SLC17A1: variants seen among roughly 807,000 people sequenced by gnomAD.
SLC17A1 encodes the protein sodium-dependent phosphate transport protein 1.
Under a neutral mutation model 53.5 loss-of-function variants are expected in SLC17A1, and 51 were observed. The observed-to-expected ratio is 0.95, with a 90% CI of 0.76 to 1.20. SLC17A1 has a LOEUF of 1.20. Ranked by LOEUF, SLC17A1 falls within the 50% of genes most tolerant of loss-of-function variation. The pLI is 0.00. For synonymous variants in SLC17A1, 179 were observed against 198.8 expected (o/e 0.90, Z 0.84); for missense variants, 538 against 568.2 (o/e 0.95, Z 0.54).
the SLC17A1 span, among the ~76,000 whole-genome samples, chr6:25,750,019 A>T: frequency 1.3e-5 from 2 of 152,238 alleles, no homozygotes; most frequent in African/African-American, 4.8e-5. Context: ...TTAAGGCTTC[A>T]TCTCTTACCA....
chr6:25,782,459 C>A (rs563371446), downstream of SLC17A1, among the ~76,000 whole-genome samples: 6 of 152,094 alleles, frequency 3.9e-5, no homozygotes, highest in Non-Finnish European at 8.8e-5. Context: ...GCTATTGAAT[C>A]GCAGTATGAA....
chr6:25,770,228 C>T, the SLC17A1 span: 8 of 1,614,018 alleles, frequency 5.0e-6, no homozygotes, highest in African/African-American at 8.0e-5. Context: ...TCCTGACCCT[C>T]TTCATTCCAC....
chr6:25,802,330 C>A (rs1763804556), intron 10 of SLC17A1, among the ~76,000 whole-genome samples: 1 of 152,060 alleles, frequency 6.6e-6, no homozygotes, highest in African/African-American at 2.4e-5. Flanking sequence ...ATTATTAGTG[C>A]ATTTTAATTT....
At chr6:25,750,783 T>C in the SLC17A1 span, among the ~76,000 whole-genome samples, 7 of 151,126 alleles carry the variant, frequency 4.6e-5, no homozygotes, top group East Asian at 1.4e-3. Context: ...CACTTGTGTG[T>C]GTGGGGGGAG....
rs1763303832 is a variant in SLC17A1, at chr6:25,783,167, C to G, written c.*54G>C. 1 of 152,188 alleles carries G rather than the reference C, an allele frequency of 6.6e-6. No homozygotes were observed. The highest frequency in any genetic ancestry group is 6.5e-5 in the Admixed American group (1 of 15,276). 9.4% of individuals were successfully genotyped at this position (152,188 alleles called of 1,614,324 possible). On this transcript the variant is annotated 3_prime_UTR_variant, in exon 13 of 13. Transcript: ENST00000244527. The stretch of plus-strand genomic sequence containing the variant: ...GCCTCAGCCTCATGTGCTGGTCCCT[C>G]TTCCCTTCAATAAGGAGGTTGTCCC...
the SLC17A1 span, among the ~76,000 whole-genome samples, chr6:25,769,765 T>G: frequency 6.6e-6 from 1 of 152,044 alleles, no homozygotes; most frequent in Non-Finnish European, 1.5e-5. Flanking sequence ...TTTGTCTGCT[T>G]TTTCTTCCTT....
chr6:25,786,389 G>C (rs1450133685), intron 12 of SLC17A1, among the ~76,000 whole-genome samples: 1 of 152,130 alleles, frequency 6.6e-6, no homozygotes, highest in Non-Finnish European at 1.5e-5. Context: ...TTTTCCACCC[G>C]AGGAACAAGG....
intron 10 of SLC17A1, among the ~76,000 whole-genome samples, chr6:25,810,761 A>G (rs1764126001): frequency 6.6e-6 from 1 of 152,202 alleles, no homozygotes; most frequent in Non-Finnish European, 1.5e-5. Flanking sequence ...GTGTCTATCC[A>G]AAGGAAATGA....
At chr6:25,777,996 G>C (rs1404339708), downstream of SLC17A1, 1 of 1,612,360 alleles carries the variant, frequency 6.2e-7, no homozygotes, top group Non-Finnish European at 8.5e-7. Context: ...TCCTACTGCT[G>C]CTGGATTTTT....
chr6:25,806,152 G>A (rs185089833), intron 10 of SLC17A1, among the ~76,000 whole-genome samples: 5 of 152,038 alleles, frequency 3.3e-5, no homozygotes, highest in Non-Finnish European at 7.4e-5. Context: ...ACCAAATCCA[G>A]CAGTGCATCA....
At chr6:25,728,344 A>G in the SLC17A1 span, among the ~76,000 whole-genome samples, 1 of 152,022 alleles carries the variant, frequency 6.6e-6, no homozygotes, top group East Asian at 1.9e-4. Context: ...TGGTTGTTGG[A>G]CTCCATCTGT....
chr6:25,729,111 T>C, the SLC17A1 span, among the ~76,000 whole-genome samples: 2 of 152,174 alleles, frequency 1.3e-5, no homozygotes, highest in African/African-American at 4.8e-5. Context: ...ACTACCCTGA[T>C]TACCCAAGGA....
intron 12 of SLC17A1, among the ~76,000 whole-genome samples, chr6:25,784,041 G>A (rs867621525): frequency 6.6e-5 from 10 of 152,072 alleles, no homozygotes; most frequent in South Asian, 2.1e-4. Flanking sequence ...CAATGAGGAA[G>A]GCACACACTA....
At chr6:25,784,898 AG>A (rs1763347356) in intron 12 of SLC17A1, among the ~76,000 whole-genome samples, 3 of 152,182 alleles carry the variant, frequency 2.0e-5, no homozygotes, top group Non-Finnish European at 4.4e-5. Flanking sequence ...ACATTATACT[AG>A]GGGTTCTATA....
intron 10 of SLC17A1, 57 bp from the exon 11 acceptor site, chr6:25,801,037 C>G: frequency 1.1e-6 from 1 of 894,030 alleles, no homozygotes; most frequent in South Asian, 1.4e-5. Flanking sequence ...GCAGGAAATG[C>G]AAACCTAATC....
At chr6:25,737,665 A>G in the SLC17A1 span, among the ~76,000 whole-genome samples, 1 of 152,132 alleles carries the variant, frequency 6.6e-6, no homozygotes, top group Non-Finnish European at 1.5e-5. Context: ...GCACCCAAAT[A>G]ACATGATTTT....
intron 2 of SLC17A1, among the ~76,000 whole-genome samples, chr6:25,827,061 T>A (rs990542849): frequency 3.3e-5 from 5 of 152,136 alleles, no homozygotes; most frequent in African/African-American, 4.8e-5. Context: ...AATGGCATTT[T>A]AAAAAAATGT....
At chr6:25,824,594 T>A (rs1205946059) in intron 3 of SLC17A1, among the ~76,000 whole-genome samples, 1 of 151,796 alleles carries the variant, frequency 6.6e-6, no homozygotes, top group African/African-American at 2.4e-5. Context: ...GATGCCTTCA[T>A]GATACATGAA....
At chr6:25,793,473 A>G (rs1399675804) in intron 12 of SLC17A1, among the ~76,000 whole-genome samples, 1 of 152,182 alleles carries the variant, frequency 6.6e-6, no homozygotes. Context: ...CAGCAAAAAC[A>G]GCCCTCTTGA....
Sources: allele counts gnomAD v4.1 joint callset (sites outside exome capture counted in the v4.1 genomes callset), GRCh38; gene constraint gnomAD v4.1.1; transcripts MANE v1.5; gene names NCBI Gene and HGNC (gene_info 2026-07-23, HGNC 2026-07-21).